PP2D1: variants seen among roughly 807,000 people sequenced by gnomAD.
PP2D1 encodes protein phosphatase 2C like domain containing 1.
PP2D1 carries 25 observed loss-of-function variants against 30.2 expected under a neutral mutation model. The observed-to-expected ratio is 0.83, with a 90% CI of 0.60 to 1.16. The LOEUF is 1.16. Among genes scored for constraint, PP2D1 ranks in the 50% most tolerant of loss-of-function variants. PP2D1 has a pLI of 0.00. For synonymous variants in PP2D1, 260 were observed against 258.9 expected (o/e 1.00, Z -0.04); for missense variants, 760 against 742.4 (o/e 1.02, Z -0.28).
At chr3:19,984,744 C>T (rs1414232429), downstream of PP2D1, 1 of 153,004 alleles carries the variant, frequency 6.5e-6, no homozygotes, top group Non-Finnish European at 1.5e-5. Context: ...GTCTCCATAT[C>T]TGTATTACTT....
downstream of PP2D1, chr3:19,985,181 G>T: frequency 2.0e-6 from 1 of 504,650 alleles, no homozygotes; most frequent in Non-Finnish European, 3.4e-6. Flanking sequence ...AGCAAGTATC[G>T]GCTTTTCTCT....
At chr3:19,985,159 A>G (rs1478054670), downstream of PP2D1, 4 of 472,162 alleles carry the variant, frequency 8.5e-6, no homozygotes, top group Non-Finnish European at 1.5e-5. Flanking sequence ...GTTGGAATAA[A>G]GTGGTATAAA....
intron 2 of PP2D1, among the ~76,000 whole-genome samples, chr3:19,992,844 A>C (rs150760708): frequency 1.3e-5 from 2 of 152,270 alleles, no homozygotes; most frequent in East Asian, 1.9e-4. Flanking sequence ...AATCTTGAGA[A>C]GGGAAGGGGG....
rs1172287053 is a variant in PP2D1 at position 20,001,360 on chromosome 3, C to T, written c.760G>A (p.Val254Met). 1 of 1,536,090 alleles carries T rather than the reference C, an allele frequency of 6.5e-7. No homozygotes were observed. The highest frequency in any genetic ancestry group is 8.7e-7 in the Non-Finnish European group (1 of 1,146,766). The stretch of plus-strand genomic sequence containing the variant: ...ATTGCTGCGTATTCTTCTCTAAACA[C>T]AGTGTAAAAGGAATTGATTATTTGT... ...EQQIINSFYTVFREEYAAIED... is the reference protein window; with the variant it reads ...EQQIINSFYTMFREEYAAIED... The change falls in exon 2 of 3, where the codon GTG becomes ATG. Residue 254 changes from valine (V) to methionine (M), a missense_variant. Physicochemically the swap from Val to Met is conservative, Grantham distance 21 (BLOSUM62 1). Around this residue, in one of 3 missense-constraint regions of PP2D1, gnomAD observed 374 missense variants for 388.8 expected, o/e 0.96. Coordinates refer to ENST00000389050, the MANE Select transcript of PP2D1 (RefSeq NM_001252657.2).
At chr3:19,985,120 A>G (rs1358210542), downstream of PP2D1, 2 of 361,062 alleles carry the variant, frequency 5.5e-6, no homozygotes, top group Non-Finnish European at 9.9e-6. Context: ...ACGGTTCACC[A>G]GTGTTTAGTT....
At chr3:19,985,294 A>G, downstream of PP2D1, 1 of 882,132 alleles carries the variant, frequency 1.1e-6, no homozygotes. Context: ...AATTATTTGC[A>G]TGGTATTGAT....
At chr3:19,996,226 C>CA (rs532446384) in intron 2 of PP2D1, among the ~76,000 whole-genome samples, 92 of 151,638 alleles carry the variant, frequency 6.1e-4, no homozygotes, top group African/African-American at 2.0e-3. Context: ...GAGAAAATCC[C>CA]AAAAAAATCA....
chr3:20,011,236 G>T (rs1697382344), intron 1 of PP2D1, among the ~76,000 whole-genome samples: 1 of 152,086 alleles, frequency 6.6e-6, no homozygotes, highest in South Asian at 2.1e-4. Context: ...GTCTGTCAAG[G>T]CCTTTGAGAG....
intron 1 of PP2D1, 142 bp downstream of exon 1, chr3:20,011,908 G>C (rs1274108368): frequency 1.7e-6 from 1 of 573,148 alleles, no homozygotes. Flanking sequence ...AAGGCAGAGG[G>C]ATATATCACT....
intron 2 of PP2D1, among the ~76,000 whole-genome samples, chr3:19,994,028 G>C (rs911638095): frequency 6.8e-6 from 1 of 147,582 alleles, no homozygotes; most frequent in Non-Finnish European, 1.5e-5. Flanking sequence ...CACTGCACCA[G>C]GCCCAATTCT....
chr3:19,996,007 A>G (rs867715737), intron 2 of PP2D1, among the ~76,000 whole-genome samples: 36 of 152,152 alleles, frequency 2.4e-4, no homozygotes, highest in African/African-American at 6.5e-4. Flanking sequence ...AACTCCAAAT[A>G]AACAACGTAA....
chr3:20,000,081 C>T (rs1487380937), intron 2 of PP2D1, among the ~76,000 whole-genome samples: 2 of 152,186 alleles, frequency 1.3e-5, no homozygotes, highest in African/African-American at 4.8e-5. Flanking sequence ...AAGTCCCACT[C>T]GCGGAGGCCC....
intron 2 of PP2D1, among the ~76,000 whole-genome samples, chr3:19,997,612 T>G (rs1697198366): frequency 6.6e-6 from 1 of 152,170 alleles, no homozygotes; most frequent in Non-Finnish European, 1.5e-5. Flanking sequence ...AGGGTCAACT[T>G]AATGTCCATC....
At chr3:19,982,775 AAAAG>A (rs1297772644), downstream of PP2D1, among the ~76,000 whole-genome samples, 3 of 151,942 alleles carry the variant, frequency 2.0e-5, no homozygotes, top group Non-Finnish European at 4.4e-5. Flanking sequence ...AAAAAAAAAA[AAAAG>A]AGAGCATGTA....
chr3:20,004,824 T>C (rs1198234685), intron 1 of PP2D1, among the ~76,000 whole-genome samples: 4 of 152,152 alleles, frequency 2.6e-5, no homozygotes, highest in African/African-American at 9.7e-5. Flanking sequence ...AAATCAAAGT[T>C]AGCTGGGTGC....
chr3:19,991,806 A>T (rs1575084302), intron 2 of PP2D1, among the ~76,000 whole-genome samples: 3 of 152,194 alleles, frequency 2.0e-5, no homozygotes, highest in African/African-American at 7.2e-5. Context: ...GAGGCTATTC[A>T]AAAGAAATTG....
intron 2 of PP2D1, among the ~76,000 whole-genome samples, chr3:19,992,680 C>T (rs1432473993): frequency 1.3e-5 from 2 of 152,130 alleles, no homozygotes; most frequent in African/African-American, 2.4e-5. Flanking sequence ...TTGAAGTAAC[C>T]AGACTTCAAG....
At chr3:19,986,747 T>A (rs1370724654) in intron 2 of PP2D1, among the ~76,000 whole-genome samples, 1 of 151,582 alleles carries the variant, frequency 6.6e-6, no homozygotes, top group Non-Finnish European at 1.5e-5. Context: ...AAAATTTAAG[T>A]CAATCCGCCA....
chr3:19,981,035 G>GT (rs1696915832), downstream of PP2D1, among the ~76,000 whole-genome samples: 2 of 152,206 alleles, frequency 1.3e-5, no homozygotes, highest in African/African-American at 2.4e-5. Flanking sequence ...GGTAAAGTTA[G>GT]AGTCTTACCA....
Sources: gnomAD v4.1 joint callset for allele counts (sites outside exome capture counted in the v4.1 genomes callset) on GRCh38, gnomAD v4.1.1 for gene constraint, gnomAD v4.1.1 regional missense constraint, MANE v1.5 for transcripts, NCBI Gene and HGNC (gene_info 2026-07-23, HGNC 2026-07-21) for gene names.